SH3PXD2A: variants seen among roughly 807,000 people sequenced by gnomAD.
SH3PXD2A encodes the protein SH3 and PX domain-containing protein 2A.
Under a neutral mutation model 115.2 loss-of-function variants are expected in SH3PXD2A, and 32 were observed. The observed-to-expected ratio is 0.28, with a 90% CI of 0.21 to 0.37. SH3PXD2A has a LOEUF of 0.37. Ranked by LOEUF, SH3PXD2A falls within the 10% of genes least tolerant of loss-of-function variation. The pLI, the probability that SH3PXD2A is intolerant of heterozygous loss-of-function variation, is 1.00. For missense variants in SH3PXD2A, 1,328 were observed against 1,498.7 expected (o/e 0.89, Z 1.88); for synonymous variants, 610 against 629.1 (o/e 0.97, Z 0.45).
At chr10:103,680,986 G>T (rs1328159273) in intron 6 of SH3PXD2A, among the ~76,000 whole-genome samples, 1 of 152,202 alleles carries the variant, frequency 6.6e-6, no homozygotes, top group Non-Finnish European at 1.5e-5. Context: ...TCACTGGAAA[G>T]GTTGCCTCTT....
At chr10:103,622,615 G>A in intron 9 of SH3PXD2A, 62 bp from the exon 10 acceptor site, 1 of 980,894 alleles carries the variant, frequency 1.0e-6, no homozygotes, top group South Asian at 1.4e-5. Context: ...GAATGGAGAT[G>A]AGGATGAGAT....
At chr10:103,664,668 CTCT>C (rs1384056403) in intron 7 of SH3PXD2A, among the ~76,000 whole-genome samples, 4 of 49,358 alleles carry the variant, frequency 8.1e-5, no homozygotes, top group Non-Finnish European at 1.5e-4. Flanking sequence ...TTCTTTCTCT[CTCT>C]TTTTTTTTTT....
chr10:103,738,943 T>C lies in SH3PXD2A; in HGVS notation c.230-3135A>G, dbSNP rs533304079. Among the ~76,000 whole-genome samples, 13 of 151,830 alleles carry C rather than the reference T, an allele frequency of 8.6e-5. No homozygotes were observed. In the East Asian group the frequency reaches 9.7e-4, roughly 11 times the overall value. On this transcript the variant is annotated intron_variant, in intron 3 of 14. Transcript: ENST00000369774. ...CCGAGTAGCTGGGATTACAGGCATG[T>C]GCCACCACACCCGGCTGATTTTGCA...
Position 103,595,435 on chromosome 10 carries a change from C to G in SH3PXD2A, c.*6381G>C, listed in dbSNP as rs1180153561. The G allele has an allele frequency of 6.6e-6, 1 of 152,264 alleles. No homozygotes were observed. Among genetic ancestry groups the G allele is most frequent in the Admixed American group, 6.5e-5 (1 of 15,288 alleles). The allele number at this position is 152,264 out of a possible 1,614,324, so 9.4% of individuals were successfully genotyped here. A position where few individuals can be genotyped will look rare whatever the true frequency, so the allele number is the denominator to read the frequency against. On this transcript the variant is annotated 3_prime_UTR_variant, in exon 15 of 15. Transcript: ENST00000369774. The stretch of plus-strand genomic sequence containing the variant: ...CTAGAAGACATCCGCTTCTGGAAGC[C>G]TCCTTCCCTAATGAAGGGACAGTAG...
chr10:103,753,822 G>C (rs1168525160), intron 3 of SH3PXD2A: 2 of 152,170 alleles, frequency 1.3e-5, no homozygotes, highest in East Asian at 1.9e-4. Context: ...TTAGAAAGCT[G>C]TTTGCAACTT....
At chr10:103,675,113 T>A (rs1474210112) in intron 6 of SH3PXD2A, among the ~76,000 whole-genome samples, 1 of 152,094 alleles carries the variant, frequency 6.6e-6, no homozygotes, top group Non-Finnish European at 1.5e-5. Flanking sequence ...AATACTGTTA[T>A]TGCAGCAGCT....
In SH3PXD2A at chr10:103,603,510, C is replaced by G; in HGVS notation, c.1708G>C (p.Glu570Gln). 1 of 1,612,362 alleles carries G rather than the reference C, an allele frequency of 6.2e-7. No homozygotes were observed. The highest frequency in any genetic ancestry group is 1.1e-5 in the South Asian group (1 of 90,834). The change falls in exon 15 of 15, where the codon GAG becomes CAG. Residue 570 changes from glutamate to glutamine, a missense_variant. Physicochemically the swap from Glu to Gln is conservative, Grantham distance 29. Coordinates refer to ENST00000369774, the MANE Select transcript of SH3PXD2A (RefSeq NM_001394015.1). ...IPAFGFDSEP[E>Q]LSEEPVEDRA... Reference sequence around the variant, plus strand: ...TCCTCCACGGGCTCCTCGCTCAGCTCAGGCTCTGAGTCAAAGCCGAATGCA... The same window carrying G: ...TCCTCCACGGGCTCCTCGCTCAGCTGAGGCTCTGAGTCAAAGCCGAATGCA...
At chr10:103,632,370 T>A (rs965114152) in intron 8 of SH3PXD2A, among the ~76,000 whole-genome samples, 5 of 152,206 alleles carry the variant, frequency 3.3e-5, no homozygotes, top group African/African-American at 4.8e-5. Flanking sequence ...TTTTGCTTGC[T>A]CCTCAGTGGT....
At chr10:103,734,647 G>C (rs2038359726) in intron 4 of SH3PXD2A, among the ~76,000 whole-genome samples, 1 of 152,202 alleles carries the variant, frequency 6.6e-6, no homozygotes, top group South Asian at 2.1e-4. Flanking sequence ...TACTCGGAAG[G>C]CTGAGGCATG....
At chr10:103,803,532 A>C (rs1180998867) in intron 1 of SH3PXD2A, among the ~76,000 whole-genome samples, 3 of 151,392 alleles carry the variant, frequency 2.0e-5, no homozygotes, top group Non-Finnish European at 4.4e-5. Context: ...ATATTGTACA[A>C]GAAGAAGGTG....
intron 8 of SH3PXD2A, among the ~76,000 whole-genome samples, chr10:103,649,281 C>T (rs187697402): frequency 2.0e-5 from 3 of 152,298 alleles, no homozygotes; most frequent in Admixed American, 6.5e-5. Flanking sequence ...CCTAATCACC[C>T]CTCCATGCTG....
intron 5 of SH3PXD2A, among the ~76,000 whole-genome samples, chr10:103,706,804 C>T (rs887441979): frequency 4.0e-5 from 6 of 151,806 alleles, no homozygotes; most frequent in African/African-American, 1.4e-4. Flanking sequence ...CCCCTCCTTT[C>T]CCCCCCGAGT....
At chr10:103,621,588 T>G (rs1259166521) in intron 10 of SH3PXD2A, among the ~76,000 whole-genome samples, 4 of 152,240 alleles carry the variant, frequency 2.6e-5, no homozygotes, top group Non-Finnish European at 5.9e-5. Context: ...CCAGTGTTTA[T>G]GATACACCTC....
chr10:103,680,215 G>C (rs1291249528), intron 6 of SH3PXD2A, among the ~76,000 whole-genome samples: 1 of 152,030 alleles, frequency 6.6e-6, no homozygotes, highest in African/African-American at 2.4e-5. Flanking sequence ...CTGACCTCAA[G>C]TAATCCGCCC....
intron 1 of SH3PXD2A, among the ~76,000 whole-genome samples, chr10:103,828,971 G>A (rs987519676): frequency 2.6e-5 from 4 of 152,134 alleles, no homozygotes; most frequent in East Asian, 1.9e-4. Context: ...GCAGTCACCC[G>A]TTGCAGCTCA....
intron 2 of SH3PXD2A, among the ~76,000 whole-genome samples, chr10:103,782,433 G>C (rs1374559512): frequency 6.6e-6 from 1 of 152,218 alleles, no homozygotes. Flanking sequence ...GGGCACACAA[G>C]AGGAGGAATG....
chr10:103,667,521 C>T (rs1214300743), intron 7 of SH3PXD2A, among the ~76,000 whole-genome samples: 2 of 152,210 alleles, frequency 1.3e-5, no homozygotes, highest in Non-Finnish European at 2.9e-5. Context: ...CCCAGGCCCT[C>T]GTCACAGGAA....
Position 103,603,705 on chromosome 10 carries a change from G to A in SH3PXD2A, c.1513C>T (p.Arg505Cys), listed in dbSNP as rs749103006. 48 of 1,610,310 alleles carry A rather than the reference G, an allele frequency of 3.0e-5. No individual in the cohort carries two copies. Among genetic ancestry groups the A allele is most frequent in the Admixed American group, 2.3e-4 (14 of 59,874 alleles). Residue 505 changes from arginine to cysteine, a missense_variant, in exon 15 of 15, where the codon CGC becomes TGC. By Grantham distance (180) the Arg-to-Cys change is radical. Coordinates refer to ENST00000369774, the MANE Select transcript of SH3PXD2A (RefSeq NM_001394015.1). ...CGGCGGCTCAGGTTGGGCTTCTTGC[G>A]CTTATCGATGTATGATGCGGGGGCC... ...GWAPASYIDK[R>C]KKPNLSRRTS...
At chr10:103,760,683 CT>C (rs946465729) in intron 3 of SH3PXD2A, among the ~76,000 whole-genome samples, 7 of 150,066 alleles carry the variant, frequency 4.7e-5, no homozygotes, top group Admixed American at 6.7e-5. Context: ...AAGATGAATA[CT>C]TTTTTTTTAA....
Sources: gnomAD v4.1 joint callset for allele counts (sites outside exome capture counted in the v4.1 genomes callset) on GRCh38, gnomAD v4.1.1 for gene constraint, MANE v1.5 for transcripts, NCBI Gene and HGNC (gene_info 2026-07-23, HGNC 2026-07-21) for gene names.